The following STAU1 variants were observed in gnomAD, a reference collection of about 807,000 sequenced individuals.
STAU1 encodes staufen double-stranded RNA binding protein 1, also known as double-stranded RNA-binding protein Staufen homolog 1.
Under a neutral mutation model 62.9 loss-of-function variants are expected in STAU1, and 13 were observed. That is an observed-to-expected ratio of 0.21 (90% CI 0.13 to 0.33). STAU1 has a LOEUF of 0.33. Among genes scored for constraint, STAU1 ranks in the 10% least tolerant of loss-of-function variants. STAU1 has a pLI of 1.00. For missense variants in STAU1, 571 were observed against 712.1 expected, an observed-to-expected ratio of 0.80 and a Z score of 2.25; for synonymous variants, 269 against 265.1, an observed-to-expected ratio of 1.01 and a Z score of -0.14.
intron 6 of STAU1, among the ~76,000 whole-genome samples, chr20:49,128,185 G>A (rs2092673624): frequency 6.7e-6 from 1 of 148,306 alleles, no homozygotes; most frequent in Non-Finnish European, 1.5e-5. Context: ...TTAGCCCAGT[G>A]TGTGGTGGCG....
At chr20:49,203,242 T>C in the STAU1 span, among the ~76,000 whole-genome samples, 1 of 152,064 alleles carries the variant, frequency 6.6e-6, no homozygotes, top group Non-Finnish European at 1.5e-5. Context: ...CTGGCCAACA[T>C]GATGAAACCC....
intron 5 of STAU1, among the ~76,000 whole-genome samples, chr20:49,145,315 T>C (rs1210629690): frequency 2.0e-5 from 3 of 148,608 alleles, no homozygotes; most frequent in African/African-American, 7.5e-5. Flanking sequence ...TCCCAGCTAC[T>C]TGGGAGGCTG....
intron 1 of STAU1, among the ~76,000 whole-genome samples, chr20:49,182,249 C>T (rs1233646745): frequency 6.6e-6 from 1 of 152,202 alleles, no homozygotes; most frequent in Non-Finnish European, 1.5e-5. Context: ...ACTGTTACAT[C>T]AACCTTATTC....
rs371531700 is a variant in STAU1 at position 49,123,330 on chromosome 20, T to G, written c.823-95A>C. On this transcript the variant is annotated intron_variant, in intron 7 of 13. Transcript: ENST00000371856. ...GGATATGAGAGGAGATAAGAGATTTTGGGTTGACCTAATGGCTCAGAATTC... is the reference window on the plus strand; with the variant it reads ...GGATATGAGAGGAGATAAGAGATTTGGGGTTGACCTAATGGCTCAGAATTC... 1,027 of 1,534,340 alleles carry G rather than the reference T, an allele frequency of 6.7e-4. 7 individuals carry two copies. The African/African-American group carries it at 0.013, about 19-fold the overall frequency.
At position 49,151,700 on chromosome 20, in the gene STAU1, A is replaced by G. The variant is rs890148987; in HGVS notation, c.392T>C (p.Leu131Pro). Residue 131 changes from leucine to proline, a missense_variant, in exon 5 of 14, where the codon CTT becomes CCT. Leu to Pro is a moderately conservative substitution (Grantham distance 98, BLOSUM62 -3). This residue lies in a region of STAU1 where 414 missense variants were observed against 499.6 expected (regional missense o/e 0.83). Coordinates refer to ENST00000371856, the MANE Select transcript of STAU1 (RefSeq NM_017453.4). The part of the protein sequence containing the change: ...PVPPLLYQVE[L>P]SVGGQQFNGK... The stretch of plus-strand genomic sequence containing the variant: ...ATTAAATTGCTGTCCTCCCACAGAA[A>G]GTTCCACTTGATAAAGTAAAGGTGG... The G allele has an allele frequency of 6.2e-7, 1 of 1,611,390 alleles. No homozygotes were observed. Among genetic ancestry groups the G allele is most frequent in the Non-Finnish European group, 8.5e-7 (1 of 1,179,184 alleles).
the STAU1 span, among the ~76,000 whole-genome samples, chr20:49,217,490 C>T: frequency 1.1e-4 from 17 of 152,026 alleles, 1 homozygote; most frequent in South Asian, 8.3e-4. Flanking sequence ...ACTTGTGTTC[C>T]CCAGTACCAT....
chr20:49,202,390 G>C, the STAU1 span, among the ~76,000 whole-genome samples: 3 of 150,098 alleles, frequency 2.0e-5, no homozygotes, highest in African/African-American at 4.9e-5. Flanking sequence ...GGTAAAACTC[G>C]ATCTCTACTT....
chr20:49,169,215 G>C (rs1402620819), intron 2 of STAU1, among the ~76,000 whole-genome samples: 1 of 152,068 alleles, frequency 6.6e-6, no homozygotes, highest in Non-Finnish European at 1.5e-5. Flanking sequence ...CTCCCTAAGT[G>C]CTAGGATTAC....
chr20:49,151,617 T>C lies in STAU1; in HGVS notation c.475A>G (p.Ile159Val). The change falls in exon 5 of 14, where the codon ATC becomes GTC. Residue 159 changes from isoleucine to valine, a missense_variant. Transcript: ENST00000371856. ...TCTGGCAGGGGCTCATTCTGCAGGA[T>C]CCTCAACGCTTTGGCAGCAGCATCG... Reference protein sequence around the residue: ...KHDAAAKALRILQNEPLPERL... With the variant: ...KHDAAAKALRVLQNEPLPERL... The C allele has an allele frequency of 6.2e-7, 1 of 1,611,626 alleles. No individual in the cohort carries two copies. The highest frequency in any genetic ancestry group is 8.5e-7 in the Non-Finnish European group (1 of 1,179,112).
intron 6 of STAU1, chr20:49,134,433 G>GAAAAAAAAAAAAAA (rs1568850881): frequency 1.1e-5 from 3 of 262,778 alleles, no homozygotes; most frequent in African/African-American, 1.4e-4. Flanking sequence ...CTCATCTCAG[G>GAAAAAAAAAAAAAA]GAAAAAAAAA....
the STAU1 span, among the ~76,000 whole-genome samples, chr20:49,202,230 A>AAAATAAAGAAAGAAAGAAAGAAAGAAAG: frequency 7.7e-6 from 1 of 130,366 alleles, no homozygotes; most frequent in Non-Finnish European, 1.6e-5. Context: ...AAAAAAAAAA[A>AAAATAAAGAAAGAAAGAAAGAAAGAAAG]AAAGAAAGAA....
At chr20:49,159,452 C>T (rs1038643597) in intron 3 of STAU1, among the ~76,000 whole-genome samples, 15 of 151,986 alleles carry the variant, frequency 9.9e-5, no homozygotes, top group African/African-American at 2.9e-4. Context: ...GTGCATTAGC[C>T]AAAATATAAT....
At chr20:49,160,983 C>G (rs942488700) in intron 3 of STAU1, among the ~76,000 whole-genome samples, 3 of 152,126 alleles carry the variant, frequency 2.0e-5, no homozygotes, top group African/African-American at 7.2e-5. Context: ...AGAATTGTCT[C>G]TGTTCAGAAT....
At chr20:49,179,510 G>A (rs1469508852) in intron 1 of STAU1, among the ~76,000 whole-genome samples, 1 of 152,174 alleles carries the variant, frequency 6.6e-6, no homozygotes, top group Non-Finnish European at 1.5e-5. Flanking sequence ...TCATGAGCAG[G>A]TTGGTTCAAT....
intron 3 of STAU1, among the ~76,000 whole-genome samples, chr20:49,159,444 G>A (rs2093416923): frequency 1.3e-5 from 2 of 152,196 alleles, no homozygotes; most frequent in African/African-American, 4.8e-5. Context: ...GTGAGAAAGT[G>A]CATTAGCCAA....
intron 6 of STAU1, among the ~76,000 whole-genome samples, chr20:49,126,608 T>G (rs1172055230): frequency 6.6e-5 from 2 of 30,368 alleles, no homozygotes; most frequent in Non-Finnish European, 8.4e-5. Flanking sequence ...ACAAAAAAAC[T>G]TAAAAATCTA....
At chr20:49,194,299 C>G in the STAU1 span, among the ~76,000 whole-genome samples, 2 of 151,110 alleles carry the variant, frequency 1.3e-5, no homozygotes, top group Non-Finnish European at 3.0e-5. Context: ...CATGGTGGCG[C>G]ACGCCTGTAA....
At chr20:49,177,903 A>T (rs1480934494) in intron 1 of STAU1, among the ~76,000 whole-genome samples, 1 of 151,858 alleles carries the variant, frequency 6.6e-6, no homozygotes, top group Non-Finnish European at 1.5e-5. Flanking sequence ...TGTTTTGGCC[A>T]GGTGTGGTGG....
At chr20:49,139,574 A>T (rs2146087266) in intron 5 of STAU1, among the ~76,000 whole-genome samples, 1 of 151,872 alleles carries the variant, frequency 6.6e-6, no homozygotes, top group South Asian at 2.1e-4. Flanking sequence ...AAAATACAAA[A>T]AACTAGCCGG....
Sources: gnomAD v4.1 joint callset for allele counts (sites outside exome capture counted in the v4.1 genomes callset) on GRCh38, gnomAD v4.1.1 for gene constraint, gnomAD v4.1.1 regional missense constraint, MANE v1.5 for transcripts, NCBI Gene and HGNC (gene_info 2026-07-23, HGNC 2026-07-21) for gene names.